Variants in SH3GL1 observed in about 807,000 individuals in gnomAD.
SH3GL1 encodes the protein endophilin-A2.
In SH3GL1, 21 loss-of-function variants were observed where a neutral mutation model predicts 48.8. That is an observed-to-expected ratio of 0.43 (90% CI 0.30 to 0.62). The LOEUF (loss-of-function observed/expected upper bound fraction) is 0.62, where lower values mean the gene tolerates loss of function less well. Among genes scored for constraint, SH3GL1 ranks in the 20% least tolerant of loss-of-function variants. SH3GL1 has a pLI of 0.11. For missense variants in SH3GL1, 454 were observed against 503.0 expected, an observed-to-expected ratio of 0.90 and a Z score of 0.93; for synonymous variants, 282 against 217.5, an observed-to-expected ratio of 1.30 and a Z score of -2.61.
intron 1 of SH3GL1, among the ~76,000 whole-genome samples, chr19:4,387,299 CTTTG>C (rs1001061867): frequency 6.7e-6 from 1 of 150,266 alleles, no homozygotes; most frequent in Non-Finnish European, 1.5e-5. Context: ...ATAGTACAGG[CTTTG>C]TTTTTGTTTT....
chr19:4,363,610 T>C, intron 6 of SH3GL1, 110 bp downstream of exon 6: 2 of 1,503,034 alleles, frequency 1.3e-6, no homozygotes, highest in Non-Finnish European at 1.8e-6. Flanking sequence ...CCACCTCCCC[T>C]GCTGCAGCGG....
At chr19:4,385,499 C>G (rs906675262) in intron 1 of SH3GL1, among the ~76,000 whole-genome samples, 3 of 152,210 alleles carry the variant, frequency 2.0e-5, no homozygotes, top group African/African-American at 7.2e-5. Flanking sequence ...GCTCCAGAAA[C>G]GTGATTGCAG....
intron 8 of SH3GL1, 84 bp downstream of exon 8, chr19:4,362,528 C>T: frequency 1.3e-6 from 2 of 1,598,420 alleles, no homozygotes; most frequent in South Asian, 2.2e-5. Context: ...GAGTCTGGCG[C>T]TCAGAGACCC....
At chr19:4,387,356 C>T (rs1447035810) in intron 1 of SH3GL1, among the ~76,000 whole-genome samples, 1 of 152,156 alleles carries the variant, frequency 6.6e-6, no homozygotes, top group Middle Eastern at 3.4e-3. Context: ...TGGAGGGCAG[C>T]GGCATGATGA....
At chr19:4,393,946 G>A (rs549299475) in intron 1 of SH3GL1, among the ~76,000 whole-genome samples, 106 of 151,188 alleles carry the variant, frequency 7.0e-4, no homozygotes, top group African/African-American at 2.4e-3. Context: ...AGGATCCCCC[G>A]GCAGACAGTC....
chr19:4,364,412 G>A (rs1303124571), intron 4 of SH3GL1, 191 bp from the exon 5 acceptor site: 1 of 640,798 alleles, frequency 1.6e-6, no homozygotes, highest in Non-Finnish European at 2.7e-6. Context: ...CGGGACCACA[G>A]GCGTTCACCC....
rs1972597780 is a variant in SH3GL1, at chr19:4,361,169, C to G, written c.*431G>C. Reference sequence around the variant, plus strand: ...ATCTCTGAGCCACCCCATGGGGACCCTCGATCCCATCCTGTTAAGGCTGCG... The same window carrying G: ...ATCTCTGAGCCACCCCATGGGGACCGTCGATCCCATCCTGTTAAGGCTGCG... On this transcript the variant is annotated 3_prime_UTR_variant, in exon 10 of 10. Coordinates refer to ENST00000269886, the MANE Select transcript of SH3GL1 (RefSeq NM_003025.4). 3.6e-6 allele frequency: 1 copy of G among 274,444 alleles called. No homozygotes were observed. Among genetic ancestry groups the G allele is most frequent in the Non-Finnish European group, 6.9e-6 (1 of 144,166 alleles). 17.0% of individuals were successfully genotyped at this position (274,444 alleles called of 1,614,324 possible). A position where few individuals can be genotyped will look rare whatever the true frequency, so the allele number is the denominator to read the frequency against.
chr19:4,370,907 C>G (rs1972886704), intron 1 of SH3GL1, among the ~76,000 whole-genome samples: 1 of 152,274 alleles, frequency 6.6e-6, no homozygotes. Flanking sequence ...TTTGGCAAGA[C>G]TGGCTTGTGG....
intron 4 of SH3GL1, chr19:4,364,578 C>T: frequency 3.5e-6 from 1 of 285,964 alleles, no homozygotes; most frequent in Admixed American, 4.9e-5. Flanking sequence ...TTACAGGGGC[C>T]TGCCACCACA....
chr19:4,391,629 GACC>G, intron 1 of SH3GL1, among the ~76,000 whole-genome samples: 1 of 152,318 alleles, frequency 6.6e-6, no homozygotes, highest in Middle Eastern at 3.4e-3. Flanking sequence ...AGTGCCCAGT[GACC>G]ACCAACAGCC....
chr19:4,391,221 G>A (rs781306419), intron 1 of SH3GL1, among the ~76,000 whole-genome samples: 3 of 152,178 alleles, frequency 2.0e-5, no homozygotes, highest in African/African-American at 4.8e-5. Flanking sequence ...GTGGCCAGGG[G>A]TGGGGTGAGC....
At chr19:4,366,296 G>A (rs1214526351) in intron 3 of SH3GL1, among the ~76,000 whole-genome samples, 3 of 152,188 alleles carry the variant, frequency 2.0e-5, no homozygotes, top group Admixed American at 2.0e-4. Flanking sequence ...CAGTCGGCAT[G>A]AGAGTGAAGC....
chr19:4,382,032 G>A (rs772136863), intron 1 of SH3GL1, among the ~76,000 whole-genome samples: 1 of 151,946 alleles, frequency 6.6e-6, no homozygotes, highest in Non-Finnish European at 1.5e-5. Flanking sequence ...GGATCACCCC[G>A]GGCTAAGATT....
chr19:4,362,867 A>G lies in SH3GL1; in HGVS notation c.729-131T>C, dbSNP rs374766980. ...GAGGCCGTCAGTGGGGTTGTGACACATGGACCCTGGGACACAGCTAGACTG... is the reference window on the plus strand; with the variant it reads ...GAGGCCGTCAGTGGGGTTGTGACACGTGGACCCTGGGACACAGCTAGACTG... On this transcript the variant is annotated intron_variant, in intron 7 of 9. Coordinates refer to ENST00000269886, the MANE Select transcript of SH3GL1 (RefSeq NM_003025.4). 32 of 1,437,122 alleles carry G rather than the reference A, an allele frequency of 2.2e-5. No homozygotes were observed. In the African/African-American group the frequency reaches 2.2e-4, roughly 10 times the overall value. The allele number at this position is 1,437,122 out of a possible 1,614,324, so 89.0% of individuals were successfully genotyped here. A position where few individuals can be genotyped will look rare whatever the true frequency, so the allele number is the denominator to read the frequency against.
chr19:4,363,275 A>G (rs1350451497), intron 7 of SH3GL1, 95 bp downstream of exon 7: 2 of 945,326 alleles, frequency 2.1e-6, no homozygotes, highest in Non-Finnish European at 3.3e-6. Context: ...CTGCTCTGCC[A>G]TGTGCTCACC....
intron 1 of SH3GL1, among the ~76,000 whole-genome samples, chr19:4,386,662 C>T (rs1180869619): frequency 3.9e-5 from 6 of 151,942 alleles, no homozygotes; most frequent in Admixed American, 3.3e-4. Flanking sequence ...CTTAAGAATG[C>T]TGACTGCTGG....
chr19:4,365,377 G>A, intron 4 of SH3GL1, 105 bp downstream of exon 4: 1 of 1,473,976 alleles, frequency 6.8e-7, no homozygotes, highest in South Asian at 1.1e-5. Flanking sequence ...GGGGGCCACT[G>A]TACGTCCCCG....
chr19:4,363,458 G>GA lies in SH3GL1; in HGVS notation c.639dup (p.Gln214SerfsTer39). ...TGTGCATCCACCAGGGCCGAGAGCT[G>GA]ACTCACCTGCTCGATCTGTGGGGAC... On this transcript the variant is annotated frameshift_variant, in exon 7 of 10. Coordinates refer to ENST00000269886, the MANE Select transcript of SH3GL1 (RefSeq NM_003025.4). LOFTEE classifies it high-confidence loss of function. 1 of 1,612,594 alleles carries GA rather than the reference G, an allele frequency of 6.2e-7. No individual in the cohort carries two copies. The highest frequency in any genetic ancestry group is 8.5e-7 in the Non-Finnish European group (1 of 1,179,604).
intron 6 of SH3GL1, 64 bp from the exon 7 acceptor site, chr19:4,363,537 C>T (rs993977319): frequency 1.3e-6 from 2 of 1,531,224 alleles, no homozygotes; most frequent in Admixed American, 3.4e-5. Context: ...TCCCTGACTC[C>T]CGAGGTGAAG....
Sources: gnomAD v4.1 joint callset for allele counts (sites outside exome capture counted in the v4.1 genomes callset) on GRCh38, gnomAD v4.1.1 for gene constraint, MANE v1.5 for transcripts, NCBI Gene and HGNC (gene_info 2026-07-23, HGNC 2026-07-21) for gene names.